The following RPS6KC1 variants were observed in gnomAD, a reference collection of about 807,000 sequenced individuals.
RPS6KC1 encodes the protein inactive ribosomal protein S6 kinase delta-1.
In RPS6KC1, 54 loss-of-function variants were observed where a neutral mutation model predicts 103.8. That is an observed-to-expected ratio of 0.52 (90% CI 0.42 to 0.65). The LOEUF is 0.65. Ranked by LOEUF, RPS6KC1 falls within the 30% of genes least tolerant of loss-of-function variation. The pLI is 0.00. For synonymous variants in RPS6KC1, 439 were observed against 438.7 expected (o/e 1.00, Z -0.01); for missense variants, 1,151 against 1,253.8 (o/e 0.92, Z 1.24).
chr1:213,845,217 C>A, the RPS6KC1 span, among the ~76,000 whole-genome samples: 2 of 152,166 alleles, frequency 1.3e-5, no homozygotes, highest in African/African-American at 2.4e-5. Flanking sequence ...TAGGCTGTCA[C>A]CCAAGTGATT....
At chr1:213,813,105 G>T in the RPS6KC1 span, among the ~76,000 whole-genome samples, 1 of 151,990 alleles carries the variant, frequency 6.6e-6, no homozygotes, top group Non-Finnish European at 1.5e-5. Context: ...GCAAAAATTA[G>T]CTGGGTGTGG....
At chr1:213,454,365 T>C in the RPS6KC1 span, among the ~76,000 whole-genome samples, 1 of 152,240 alleles carries the variant, frequency 6.6e-6, no homozygotes, top group African/African-American at 2.4e-5. Context: ...ACTGGTTTTC[T>C]ATTAATAAAA....
the RPS6KC1 span, among the ~76,000 whole-genome samples, chr1:213,363,816 TC>T: frequency 1.9e-5 from 1 of 52,506 alleles, no homozygotes; most frequent in African/African-American, 2.4e-4. Flanking sequence ...CTTTCTTTCT[TC>T]TCTCTTTTTT....
rs935675170 is a variant in RPS6KC1 at position 213,116,779 on chromosome 1, C to A, written c.379-538C>A. Reference sequence around the variant, plus strand: ...ACAAAATCTCTCAGCATTTGCTTGTCTGTAAAGTATTTTATTTCTCCTTCA... The same window carrying A: ...ACAAAATCTCTCAGCATTTGCTTGTATGTAAAGTATTTTATTTCTCCTTCA... On this transcript the variant is annotated intron_variant, in intron 4 of 14. Transcript: ENST00000366960. Among the ~76,000 whole-genome samples the A allele has an allele frequency of 2.6e-3, 389 of 151,728 alleles. 1 individual carries two copies. Among genetic ancestry groups the A allele is most frequent in the African/African-American group, 8.6e-3 (357 of 41,380 alleles).
chr1:213,632,750 G>A, the RPS6KC1 span, among the ~76,000 whole-genome samples: 48 of 152,294 alleles, frequency 3.2e-4, no homozygotes, highest in East Asian at 7.5e-3. Flanking sequence ...GAACTTCTCC[G>A]AGCTAAAGGA....
At chr1:213,327,289 A>G in the RPS6KC1 span, among the ~76,000 whole-genome samples, 1 of 139,652 alleles carries the variant, frequency 7.2e-6, no homozygotes, top group East Asian at 2.1e-4. Flanking sequence ...AACCACAGGG[A>G]TACCTTCCTT....
the RPS6KC1 span, among the ~76,000 whole-genome samples, chr1:213,329,802 CCTT>C: frequency 2.0e-5 from 3 of 152,120 alleles, no homozygotes; most frequent in African/African-American, 4.8e-5. Context: ...TGTCCGAGGT[CCTT>C]CTTCTATTGG....
At chr1:213,289,014 C>T in the RPS6KC1 span, among the ~76,000 whole-genome samples, 8 of 152,138 alleles carry the variant, frequency 5.3e-5, no homozygotes, top group Non-Finnish European at 7.4e-5. Flanking sequence ...GTTTCCGAAG[C>T]GCATCCTGCT....
chr1:213,067,430 G>A (rs975296909), intron 1 of RPS6KC1, among the ~76,000 whole-genome samples: 4 of 152,160 alleles, frequency 2.6e-5, no homozygotes, highest in East Asian at 1.9e-4. Context: ...AAAACTGTCC[G>A]TGGGACCATT....
chr1:213,109,433 G>A (rs1398545927), intron 4 of RPS6KC1, among the ~76,000 whole-genome samples: 1 of 152,134 alleles, frequency 6.6e-6, no homozygotes, highest in African/African-American at 2.4e-5. Context: ...AACCGTGCCC[G>A]GCCCGATATT....
At chr1:213,386,515 T>C in the RPS6KC1 span, among the ~76,000 whole-genome samples, 3 of 152,154 alleles carry the variant, frequency 2.0e-5, no homozygotes. Context: ...TTGCTGTTTG[T>C]ATCGCAGTGG....
At chr1:213,728,900 G>A in the RPS6KC1 span, among the ~76,000 whole-genome samples, 1 of 137,430 alleles carries the variant, frequency 7.3e-6, no homozygotes, top group Non-Finnish European at 1.5e-5. Context: ...GCAGTCAGAA[G>A]TATAACTTAG....
intron 10 of RPS6KC1, 101 bp downstream of exon 10, chr1:213,232,356 C>A: frequency 2.1e-6 from 3 of 1,454,756 alleles, no homozygotes; most frequent in South Asian, 1.2e-5. Context: ...ATATGAAACA[C>A]GTTTAAGAAA....
chr1:213,668,760 C>A, the RPS6KC1 span, among the ~76,000 whole-genome samples: 1 of 152,168 alleles, frequency 6.6e-6, no homozygotes, highest in African/African-American at 2.4e-5. Flanking sequence ...AGTGCAGCTA[C>A]CTTCATCAAT....
the RPS6KC1 span, among the ~76,000 whole-genome samples, chr1:213,346,887 A>G: frequency 6.6e-6 from 1 of 152,162 alleles, no homozygotes; most frequent in East Asian, 1.9e-4. Flanking sequence ...TCTTTCAGGA[A>G]ATTTGGGCTG....
the RPS6KC1 span, among the ~76,000 whole-genome samples, chr1:213,699,060 A>T: frequency 1.3e-5 from 2 of 152,076 alleles, no homozygotes; most frequent in African/African-American, 4.8e-5. Flanking sequence ...AAACAGTCCA[A>T]TTATACTCTT....
the RPS6KC1 span, among the ~76,000 whole-genome samples, chr1:213,760,657 T>C: frequency 6.6e-6 from 1 of 152,180 alleles, no homozygotes. Context: ...GTAATCAGTT[T>C]TGTGGATAAT....
the RPS6KC1 span, among the ~76,000 whole-genome samples, chr1:213,391,933 C>T: frequency 7.2e-5 from 11 of 152,144 alleles, no homozygotes; most frequent in East Asian, 3.9e-4. Context: ...AAGGGAGGCC[C>T]GCTTCCTATG....
the RPS6KC1 span, among the ~76,000 whole-genome samples, chr1:213,853,884 C>T: frequency 1.3e-5 from 2 of 152,164 alleles, no homozygotes; most frequent in East Asian, 1.9e-4. Flanking sequence ...ACTCAGCCCT[C>T]GACTGCCTCT....
Sources: gnomAD v4.1 joint callset for allele counts (sites outside exome capture counted in the v4.1 genomes callset) on GRCh38, gnomAD v4.1.1 for gene constraint, MANE v1.5 for transcripts, NCBI Gene and HGNC (gene_info 2026-07-23, HGNC 2026-07-21) for gene names.